STXBP6: variants seen among roughly 807,000 people sequenced by gnomAD.
The protein encoded by STXBP6 is syntaxin-binding protein 6.
A neutral mutation model predicts 26.9 loss-of-function variants in STXBP6; 21 were observed. The observed-to-expected ratio is 0.78, with a 90% confidence interval of 0.55 to 1.12. The LOEUF (loss-of-function observed/expected upper bound fraction) is 1.12, where lower values mean the gene tolerates loss of function less well. Ranked by LOEUF, STXBP6 falls within the 50% of genes most tolerant of loss-of-function variation. The pLI is 0.00. For synonymous variants in STXBP6, 97 were observed against 92.6 expected (o/e 1.05, Z -0.27); for missense variants, 232 against 257.9 (o/e 0.90, Z 0.69).
At chr14:24,877,678 C>T (rs2070195858) in intron 2 of STXBP6, among the ~76,000 whole-genome samples, 1 of 152,060 alleles carries the variant, frequency 6.6e-6, no homozygotes, top group Admixed American at 6.5e-5. Flanking sequence ...TTAACCAGTC[C>T]CCCACTGATG....
At chr14:24,996,226 G>C (rs2074598269) in intron 1 of STXBP6, among the ~76,000 whole-genome samples, 1 of 152,040 alleles carries the variant, frequency 6.6e-6, no homozygotes, top group African/African-American at 2.4e-5. Flanking sequence ...TTGAATTCTA[G>C]ACAAAAGCTC....
Position 24,890,187 on chromosome 14 carries a change from A to C in STXBP6, c.155-33030T>G, listed in dbSNP as rs576135287. 5.3e-5 allele frequency among the ~76,000 whole-genome samples: 8 copies of C among 152,378 alleles called. No individual in the cohort carries two copies. The South Asian group carries it at 1.2e-3, about 24-fold the overall frequency. On this transcript the variant is annotated intron_variant, in intron 2 of 5. Transcript: ENST00000323944. ...CTGGGATGCCTGCTAATGCTGTCCC[A>C]GAGTAAAAAGCTTCCATGGCCATAC...
rs1038284229 is a variant in STXBP6, at chr14:24,946,579, G to A, written c.154+28086C>T. Among the ~76,000 whole-genome samples the A allele has an allele frequency of 4.6e-5, 7 of 152,142 alleles. 2 individuals are homozygous for A. The highest frequency in any genetic ancestry group is 3.9e-4 in the Admixed American group (6 of 15,270). ...TAGCCGTTGGCTTAGGGAACACAGG[G>A]GTACCCCATAACCTCATCAGGAGCA... On this transcript the variant is annotated intron_variant, in intron 2 of 5. Transcript: ENST00000323944.
intron 2 of STXBP6, among the ~76,000 whole-genome samples, chr14:24,891,115 G>T (rs2070770526): frequency 6.6e-6 from 1 of 152,188 alleles, no homozygotes; most frequent in African/African-American, 2.4e-5. Context: ...CCTAAGGAAG[G>T]GCTCGTAATG....
intron 1 of STXBP6, among the ~76,000 whole-genome samples, chr14:24,977,495 A>G (rs2074080638): frequency 6.6e-6 from 1 of 152,188 alleles, no homozygotes; most frequent in Non-Finnish European, 1.5e-5. Flanking sequence ...AAACAAACTC[A>G]GGTTCAAATT....
chr14:24,975,992 T>G (rs1051685085), intron 1 of STXBP6, among the ~76,000 whole-genome samples: 1 of 152,196 alleles, frequency 6.6e-6, no homozygotes, highest in African/African-American at 2.4e-5. Context: ...AGATCCCGCA[T>G]ATGGATCAAC....
chr14:24,871,409 T>C (rs1328252317), intron 2 of STXBP6, among the ~76,000 whole-genome samples: 1 of 152,150 alleles, frequency 6.6e-6, no homozygotes, highest in Non-Finnish European at 1.5e-5. Context: ...TGAAAGGTGT[T>C]GCGTGAAGTC....
chr14:25,038,432 T>C (rs563177762), intron 1 of STXBP6, among the ~76,000 whole-genome samples: 13 of 152,238 alleles, frequency 8.5e-5, no homozygotes, highest in Non-Finnish European at 1.9e-4. Flanking sequence ...CACAACAGCA[T>C]TATTCATAAT....
chr14:24,992,933 G>C (rs1219508405), intron 1 of STXBP6, among the ~76,000 whole-genome samples: 3 of 152,174 alleles, frequency 2.0e-5, no homozygotes, highest in African/African-American at 4.8e-5. Flanking sequence ...TTCTTCCCTA[G>C]TTCTGGGACT....
chr14:24,935,899 C>A (rs901876703), intron 2 of STXBP6, among the ~76,000 whole-genome samples: 7 of 152,182 alleles, frequency 4.6e-5, no homozygotes, highest in Non-Finnish European at 5.9e-5. Context: ...CAGACAGAGA[C>A]AATTTGGCAA....
Position 24,887,674 on chromosome 14 carries a change from GC to G in STXBP6, c.155-30518del, listed in dbSNP as rs200260529. 5.9e-3 allele frequency among the ~76,000 whole-genome samples: 896 copies of G among 152,198 alleles called. 3 individuals carry two copies. The highest frequency in any genetic ancestry group is 0.019 in the African/African-American group (804 of 41,524). The stretch of plus-strand genomic sequence containing the variant: ...TTGCCACAACTCCCTAATAGTAAAT[GC>G]CCCAAAAGTACACTATTTGGGTGGC... On this transcript the variant is annotated intron_variant, in intron 2 of 5. Coordinates refer to ENST00000323944, the MANE Select transcript of STXBP6 (RefSeq NM_001394410.1).
At chr14:24,862,784 A>G (rs1183438744) in intron 2 of STXBP6, among the ~76,000 whole-genome samples, 1 of 152,206 alleles carries the variant, frequency 6.6e-6, no homozygotes, top group Non-Finnish European at 1.5e-5. Context: ...ATCTTGCTAA[A>G]AAATTCTATG....
chr14:24,890,444 G>T (rs1451418373), intron 2 of STXBP6, among the ~76,000 whole-genome samples: 1 of 152,148 alleles, frequency 6.6e-6, no homozygotes, highest in Non-Finnish European at 1.5e-5. Context: ...TAGAAAACAC[G>T]AGGGTCAGGT....
rs1350142406 is a variant in STXBP6 at position 24,811,875 on chromosome 14, TA to T, written c.*833del. 2.0e-5 allele frequency: 3 copies of T among 152,132 alleles called. No homozygotes were observed. The highest frequency in any genetic ancestry group is 7.2e-5 in the African/African-American group (3 of 41,430). The allele number at this position is 152,132 out of a possible 1,614,324, so 9.4% of individuals were successfully genotyped here. A position where few individuals can be genotyped will look rare whatever the true frequency, so the allele number is the denominator to read the frequency against. The stretch of plus-strand genomic sequence containing the variant: ...GGACAAATCAATTTTTTGATAAAAA[TA>T]TAAGCACTTTTCCATACCAGCGACC... On this transcript the variant is annotated 3_prime_UTR_variant, in exon 6 of 6. Transcript: ENST00000323944.
At chr14:25,013,650 G>A (rs548273567) in intron 1 of STXBP6, among the ~76,000 whole-genome samples, 1 of 151,346 alleles carries the variant, frequency 6.6e-6, no homozygotes, top group African/African-American at 2.4e-5. Context: ...ATGTTAAACA[G>A]AGGAACATTT....
At chr14:24,870,612 TA>T (rs1179815160) in intron 2 of STXBP6, among the ~76,000 whole-genome samples, 2 of 152,188 alleles carry the variant, frequency 1.3e-5, no homozygotes, top group Non-Finnish European at 2.9e-5. Flanking sequence ...TCCTAATACT[TA>T]AAAAGCGTGA....
chr14:24,853,842 G>T (rs528436812), intron 4 of STXBP6, among the ~76,000 whole-genome samples: 10 of 152,220 alleles, frequency 6.6e-5, no homozygotes, highest in South Asian at 4.1e-4. Context: ...GGCAATGAAA[G>T]AAAGCTGAAG....
chr14:24,891,011 C>T (rs1196707735), intron 2 of STXBP6, among the ~76,000 whole-genome samples: 5 of 152,336 alleles, frequency 3.3e-5, no homozygotes, highest in African/African-American at 1.2e-4. Flanking sequence ...GACCTTTATC[C>T]TGAAACTTGT....
intron 1 of STXBP6, among the ~76,000 whole-genome samples, chr14:25,042,098 T>C (rs2075652869): frequency 6.6e-6 from 1 of 152,224 alleles, no homozygotes; most frequent in Non-Finnish European, 1.5e-5. Flanking sequence ...TCCATCAACT[T>C]AATTGAAATG....
Sources: gnomAD v4.1 joint callset for allele counts (sites outside exome capture counted in the v4.1 genomes callset) on GRCh38, gnomAD v4.1.1 for gene constraint, MANE v1.5 for transcripts, NCBI Gene and HGNC (gene_info 2026-07-23, HGNC 2026-07-21) for gene names.